Variants in SLC6A17 observed in about 807,000 individuals in gnomAD.
The protein encoded by SLC6A17 is sodium-dependent neutral amino acid transporter SLC6A17.
Under a neutral mutation model 64.5 loss-of-function variants are expected in SLC6A17, and 21 were observed. That is an observed-to-expected ratio of 0.33 (90% CI 0.23 to 0.47). SLC6A17 has a LOEUF of 0.47. Among genes scored for constraint, SLC6A17 ranks in the 20% least tolerant of loss-of-function variants. SLC6A17 has a pLI of 1.00. For missense variants in SLC6A17, 682 were observed against 963.2 expected, an observed-to-expected ratio of 0.71 and a Z score of 3.86; for synonymous variants, 372 against 399.5, an observed-to-expected ratio of 0.93 and a Z score of 0.82.
chr1:110,157,146 C>T (rs371825645), intron 1 of SLC6A17, among the ~76,000 whole-genome samples: 7 of 152,204 alleles, frequency 4.6e-5, no homozygotes, highest in African/African-American at 1.7e-4. Flanking sequence ...TGCCCTTCAG[C>T]ACCTCACGTC....
At chr1:110,152,445 G>C in intron 1 of SLC6A17, among the ~76,000 whole-genome samples, 1 of 152,184 alleles carries the variant, frequency 6.6e-6, no homozygotes, top group East Asian at 1.9e-4. Context: ...GAGTTGATTG[G>C]AGTTCTTTAG....
intron 1 of SLC6A17, among the ~76,000 whole-genome samples, chr1:110,159,930 TATG>T (rs1447045529): frequency 6.6e-5 from 10 of 152,260 alleles, no homozygotes; most frequent in Non-Finnish European, 1.5e-4. Context: ...ATGCTCATAT[TATG>T]ATAAGATACC....
At chr1:110,151,787 C>G (rs1466856017) in intron 1 of SLC6A17, among the ~76,000 whole-genome samples, 2 of 152,004 alleles carry the variant, frequency 1.3e-5, no homozygotes, top group Non-Finnish European at 2.9e-5. Flanking sequence ...GATGCCATTC[C>G]TCTTTCCTTT....
At chr1:110,186,120 A>T (rs185307728) in intron 6 of SLC6A17, among the ~76,000 whole-genome samples, 1 of 152,334 alleles carries the variant, frequency 6.6e-6, no homozygotes, top group African/African-American at 2.4e-5. Flanking sequence ...TTTTAGTGGA[A>T]AAAGAGCAAT....
At position 110,167,014 on chromosome 1, in the gene SLC6A17, G is replaced by A. The variant is rs774483620; in HGVS notation, c.85G>A (p.Glu29Lys). Residue 29 changes from glutamate to lysine, a missense_variant, in exon 2 of 12, where the codon GAG becomes AAG. By Grantham distance (56) the Glu-to-Lys change is moderately conservative (BLOSUM62 1). Around this residue, in one of 3 missense-constraint regions of SLC6A17, gnomAD observed 415 missense variants for 603.8 expected, o/e 0.69. Transcript: ENST00000331565. Reference protein sequence around the residue: ...ESVADLLALEEPVDYKQSVLN... With the variant: ...ESVADLLALEKPVDYKQSVLN... ...CGTGGCCGACCTGCTGGCCCTCGAG[G>A]AGCCTGTGGACTATAAGCAGAGTGT... 6.2e-7 allele frequency: 1 copy of A among 1,613,300 alleles called. No homozygotes were observed. Among genetic ancestry groups the A allele is most frequent in the Non-Finnish European group, 8.5e-7 (1 of 1,179,708 alleles).
intron 3 of SLC6A17, 109 bp from the exon 4 acceptor site, chr1:110,173,864 T>C (rs921112137): frequency 6.8e-6 from 10 of 1,479,928 alleles, no homozygotes; most frequent in Non-Finnish European, 9.0e-6. Flanking sequence ...CTCTTGAGGC[T>C]GTGCTGCTGT....
chr1:110,189,132 G>A (rs944052083), intron 6 of SLC6A17, among the ~76,000 whole-genome samples: 36 of 152,198 alleles, frequency 2.4e-4, no homozygotes, highest in Non-Finnish European at 4.6e-4. Flanking sequence ...GCTCCTGCCA[G>A]CACACCTGCT....
At chr1:110,189,711 T>G (rs1656777508) in intron 6 of SLC6A17, among the ~76,000 whole-genome samples, 2 of 152,182 alleles carry the variant, frequency 1.3e-5, no homozygotes, top group South Asian at 4.1e-4. Context: ...TCAGCCACCC[T>G]GGCACCTTCC....
chr1:110,157,361 T>A (rs767810471), intron 1 of SLC6A17, among the ~76,000 whole-genome samples: 2 of 151,964 alleles, frequency 1.3e-5, no homozygotes, highest in Non-Finnish European at 2.9e-5. Context: ...AATCACGAGG[T>A]CAGGAGATCC....
intron 6 of SLC6A17, among the ~76,000 whole-genome samples, chr1:110,180,529 G>C (rs1656495883): frequency 6.6e-6 from 1 of 152,120 alleles, no homozygotes; most frequent in Non-Finnish European, 1.5e-5. Flanking sequence ...TGATGGCTGG[G>C]GTGAGGTTCC....
intron 1 of SLC6A17, among the ~76,000 whole-genome samples, chr1:110,165,963 C>A (rs1054821178): frequency 5.3e-5 from 8 of 152,186 alleles, no homozygotes; most frequent in African/African-American, 1.9e-4. Context: ...TTTCTTGGTG[C>A]TTTATTTCTT....
intron 6 of SLC6A17, among the ~76,000 whole-genome samples, chr1:110,182,317 G>A (rs1292691658): frequency 6.6e-6 from 1 of 152,180 alleles, no homozygotes; most frequent in Non-Finnish European, 1.5e-5. Flanking sequence ...ACAGTGGAGG[G>A]AACAGATTTG....
At chr1:110,157,622 G>A (rs1655792748) in intron 1 of SLC6A17, among the ~76,000 whole-genome samples, 1 of 151,942 alleles carries the variant, frequency 6.6e-6, no homozygotes, top group African/African-American at 2.4e-5. Context: ...AAAATAGTCA[G>A]GTCACATTAC....
intron 6 of SLC6A17, among the ~76,000 whole-genome samples, chr1:110,186,543 G>C (rs536609727): frequency 4.1e-4 from 62 of 151,960 alleles, no homozygotes; most frequent in African/African-American, 1.4e-3. Flanking sequence ...GAAGTCCTAA[G>C]ATCGTCCTCT....
Position 110,166,833 on chromosome 1 carries a change from G to T in SLC6A17, c.-87-10G>T, listed in dbSNP as rs970431638. The T allele has an allele frequency of 2.8e-6, 4 of 1,449,850 alleles. No homozygotes were observed. Among genetic ancestry groups the T allele is most frequent in the African/African-American group, 1.4e-5 (1 of 70,216 alleles). The allele number at this position is 1,449,850 out of a possible 1,614,324, so 89.8% of individuals were successfully genotyped here. The stretch of plus-strand genomic sequence containing the variant: ...TCAGATAATCCTTTACTGCTCACCT[G>T]GTTTCCTAGGTCCCTGAATGAGAAG... On this transcript the variant is annotated splice_polypyrimidine_tract_variant and intron_variant, in intron 1 of 11. Coordinates refer to ENST00000331565, the MANE Select transcript of SLC6A17 (RefSeq NM_001010898.4).
intron 1 of SLC6A17, among the ~76,000 whole-genome samples, chr1:110,160,049 ACT>A (rs1655866313): frequency 6.6e-6 from 1 of 152,006 alleles, no homozygotes; most frequent in African/African-American, 2.4e-5. Flanking sequence ...AGAAATCACC[ACT>A]CTGTTCATTT....
intron 6 of SLC6A17, among the ~76,000 whole-genome samples, chr1:110,188,930 G>C (rs1433163986): frequency 2.6e-5 from 4 of 152,114 alleles, no homozygotes; most frequent in Non-Finnish European, 5.9e-5. Context: ...GGCCTCCTGC[G>C]TGGACTCCCT....
At chr1:110,187,712 T>A (rs1458033604) in intron 6 of SLC6A17, among the ~76,000 whole-genome samples, 1 of 152,260 alleles carries the variant, frequency 6.6e-6, no homozygotes, top group Non-Finnish European at 1.5e-5. Context: ...GTGGTAGGGC[T>A]GTTGTGATTG....
chr1:110,169,619 G>A (rs369888187), intron 2 of SLC6A17, among the ~76,000 whole-genome samples: 4 of 151,986 alleles, frequency 2.6e-5, no homozygotes, highest in Non-Finnish European at 2.9e-5. Context: ...AATACTGACC[G>A]AGGCATAGAT....
Sources: gnomAD v4.1 joint callset for allele counts (sites outside exome capture counted in the v4.1 genomes callset) on GRCh38, gnomAD v4.1.1 for gene constraint, gnomAD v4.1.1 regional missense constraint, MANE v1.5 for transcripts, NCBI Gene and HGNC (gene_info 2026-07-23, HGNC 2026-07-21) for gene names.